The following RADIL variants were observed in gnomAD, a reference collection of about 807,000 sequenced individuals.
RADIL encodes the protein ras-associating and dilute domain-containing protein.
RADIL carries 99 observed loss-of-function variants against 97.6 expected under a neutral mutation model. The ratio of observed to expected loss-of-function variants is 1.01; its 90% CI spans 0.86 to 1.20. The LOEUF (loss-of-function observed/expected upper bound fraction) is 1.20. Among genes scored for constraint, RADIL ranks in the 50% most tolerant of loss-of-function variants. The pLI is 0.00. For missense variants in RADIL, 1,765 were observed against 1,498.9 expected (o/e 1.18, Z -2.93); for synonymous variants, 803 against 691.8 (o/e 1.16, Z -2.52).
rs1281575012 is a variant in RADIL, at chr7:4,842,256, T to G, written c.536-5651A>C. ...TCGTTGTTGACATCTTCTTCTACTCTCACAGCAGAGGCCGTAAGGAAAGGA... is the reference window on the plus strand; with the variant it reads ...TCGTTGTTGACATCTTCTTCTACTCGCACAGCAGAGGCCGTAAGGAAAGGA... On this transcript the variant is annotated intron_variant, in intron 2 of 14. Transcript: ENST00000399583. The surrounding 1 kb of genome is among the most constrained non-coding windows in gnomAD (Gnocchi z 4.5). Among the ~76,000 whole-genome samples the G allele has an allele frequency of 6.6e-6, 1 of 152,036 alleles. No individual in the cohort carries two copies.
At position 4,799,275 on chromosome 7, in the gene RADIL, AC is replaced by A; in HGVS notation, c.*102del. 1.8e-6 allele frequency: 2 copies of A among 1,119,486 alleles called. No individual in the cohort carries two copies. The highest frequency in any genetic ancestry group is 2.6e-6 in the Non-Finnish European group (2 of 759,726). The allele number at this position is 1,119,486 out of a possible 1,614,324, so 69.3% of individuals were successfully genotyped here. ...CCCAGGGTGAGGCTCCCCACCCGGG[AC>A]CCAACTTGGTCAGTTACAAAACAGG... is the stretch of plus-strand genomic sequence containing the variant. On this transcript the variant is annotated 3_prime_UTR_variant, in exon 15 of 15. Transcript: ENST00000399583.
At position 4,849,331 on chromosome 7, in the gene RADIL, A is replaced by C. The variant is rs192514292; in HGVS notation, c.536-12726T>G. 1.9e-3 allele frequency among the ~76,000 whole-genome samples: 296 copies of C among 152,268 alleles called. 2 individuals are homozygous for C. The highest frequency in any genetic ancestry group is 6.7e-3 in the African/African-American group (277 of 41,546). ...ATAACTTTGGTGAAAATAAGTAAAAATATTTAAGTGTACATAGTTTTCATT... is the reference window on the plus strand; with the variant it reads ...ATAACTTTGGTGAAAATAAGTAAAACTATTTAAGTGTACATAGTTTTCATT... On this transcript the variant is annotated intron_variant, in intron 2 of 14. Coordinates refer to ENST00000399583, the MANE Select transcript of RADIL (RefSeq NM_018059.5). This position sits in a 1 kb window ranked among gnomAD's most constrained non-coding sequence, Gnocchi z 5.4.
chr7:4,837,908 A>G lies in RADIL; in HGVS notation c.536-1303T>C, dbSNP rs1565317. On this transcript the variant is annotated intron_variant, in intron 2 of 14. Transcript: ENST00000399583. The surrounding 1 kb of genome is among the most constrained non-coding windows in gnomAD (Gnocchi z 5.6). ...TACGCAGCCTTTCAGGTTAAGATCCATCCCCATCTGTGGCGGCCTTTCCTC... is the reference window on the plus strand; with the variant it reads ...TACGCAGCCTTTCAGGTTAAGATCCGTCCCCATCTGTGGCGGCCTTTCCTC... The G allele has an allele frequency of 0.53, 518,516 of 985,148 alleles. 140,819 individuals carry two copies. Among genetic ancestry groups the G allele is most frequent in the African/African-American group, 0.87 (49,736 of 57,282 alleles). 61.0% of individuals were successfully genotyped at this position (985,148 alleles called of 1,614,324 possible). A position where few individuals can be genotyped will look rare whatever the true frequency, so the allele number is the denominator to read the frequency against.
chr7:4,868,211 C>T (rs889182644), intron 2 of RADIL, among the ~76,000 whole-genome samples: 19 of 152,158 alleles, frequency 1.2e-4, no homozygotes, highest in South Asian at 2.1e-4. Flanking sequence ...TACAGGCGCC[C>T]GCCACCACAC....
At chr7:4,827,735 G>A (rs765482658) in intron 5 of RADIL, among the ~76,000 whole-genome samples, 4 of 152,126 alleles carry the variant, frequency 2.6e-5, no homozygotes, top group Non-Finnish European at 4.4e-5. Flanking sequence ...CGGCCAACAC[G>A]GGTCTCCCTC....
chr7:4,800,382 C>A (rs1432125308), intron 12 of RADIL, 72 bp from the exon 13 acceptor site: 10 of 1,379,918 alleles, frequency 7.2e-6, no homozygotes, highest in Middle Eastern at 2.0e-4. Context: ...GATGTCCTGG[C>A]CTGGCTGCCT....
chr7:4,871,764 C>CA (rs1434738962), intron 2 of RADIL, among the ~76,000 whole-genome samples: 4 of 152,208 alleles, frequency 2.6e-5, no homozygotes, highest in Non-Finnish European at 5.9e-5. Flanking sequence ...CTCCTCTCCT[C>CA]AGGGCACCAA....
chr7:4,848,458 G>A (rs888631119), intron 2 of RADIL, among the ~76,000 whole-genome samples: 8 of 151,930 alleles, frequency 5.3e-5, no homozygotes, highest in Admixed American at 1.3e-4. Flanking sequence ...ATAAGATATC[G>A]AATATATCTG....
rs749494229 is a variant in RADIL, at chr7:4,801,885, G to C, written c.2610C>G (p.Pro870=). 2.5e-6 allele frequency: 4 copies of C among 1,589,514 alleles called. No homozygotes were observed. Among genetic ancestry groups the C allele is most frequent in the African/African-American group, 2.7e-5 (2 of 74,530 alleles). ...AREVAPERTL[P]LRGAPWAQAP... is the part of the protein sequence containing the mutation. The stretch of plus-strand genomic sequence containing the variant: ...CCTGTGCCCAGGGAGCCCCCCTCAA[G>C]GGAAGAGTACGCTCCGGGGCCACTT... The change falls in exon 12 of 15, where the codon CCC becomes CCG. Residue 870 remains proline, a synonymous_variant. Transcript: ENST00000399583.
chr7:4,866,999 G>T (rs111778496), intron 2 of RADIL, among the ~76,000 whole-genome samples: 1,666 of 152,282 alleles, frequency 0.011, 32 homozygotes, highest in African/African-American at 0.038. Flanking sequence ...GCACCTGTCT[G>T]CTTCCCCTTT....
intron 2 of RADIL, among the ~76,000 whole-genome samples, chr7:4,871,314 T>C (rs1394284813): frequency 6.6e-6 from 1 of 152,174 alleles, no homozygotes; most frequent in African/African-American, 2.4e-5. Flanking sequence ...ATATTTCAAA[T>C]GAAAACAACC....
chr7:4,878,732 T>C lies in RADIL; in HGVS notation c.-64-529A>G, dbSNP rs1256711903. On this transcript the variant is annotated intron_variant, in intron 1 of 14. Coordinates refer to ENST00000399583, the MANE Select transcript of RADIL (RefSeq NM_018059.5). This position sits in a 1 kb window ranked among gnomAD's most constrained non-coding sequence, Gnocchi z 4.1. ...GTCGCCTAAGTAAGACACGCTCCGC[T>C]GCAGGGCTTGGATTTCTGGAAAGTG... 6.6e-6 allele frequency among the ~76,000 whole-genome samples: 1 copy of C among 152,250 alleles called. No individual in the cohort carries two copies. Among genetic ancestry groups the C allele is most frequent in the African/African-American group, 2.4e-5 (1 of 41,478 alleles).
intron 2 of RADIL, among the ~76,000 whole-genome samples, chr7:4,844,852 C>A (rs1285536596): frequency 6.6e-6 from 1 of 152,094 alleles, no homozygotes; most frequent in Non-Finnish European, 1.5e-5. Flanking sequence ...AATCCTCCCG[C>A]CTCAGTCTCC....
At chr7:4,802,646 C>A (rs1349458799) in intron 11 of RADIL, among the ~76,000 whole-genome samples, 1 of 129,904 alleles carries the variant, frequency 7.7e-6, no homozygotes, top group African/African-American at 2.9e-5. Context: ...CCCCGGGCAC[C>A]TCGGGGCACT....
In RADIL at chr7:4,822,627, C is replaced by A. The variant is rs982953860; in HGVS notation, c.1455-73G>T. 1 of 1,516,060 alleles carries A rather than the reference C, an allele frequency of 6.6e-7. No homozygotes were observed. The highest frequency in any genetic ancestry group is 8.9e-7 in the Non-Finnish European group (1 of 1,121,006). The allele number at this position is 1,516,060 out of a possible 1,614,324, so 93.9% of individuals were successfully genotyped here. The stretch of plus-strand genomic sequence containing the variant: ...GAGGCTGAATCTACCACTCTTTCTA[C>A]ATAAGGATGCGCGTTTTCATGGGAC... On this transcript the variant is annotated intron_variant, in intron 5 of 14. Transcript: ENST00000399583. The surrounding 1 kb of genome is among the most constrained non-coding windows in gnomAD (Gnocchi z 5.3).
At chr7:4,861,783 C>A in intron 2 of RADIL, 1 of 1,472,628 alleles carries the variant, frequency 6.8e-7, no homozygotes, top group Non-Finnish European at 9.0e-7. Flanking sequence ...TGCGGTGGTC[C>A]CTGGGTTGTC....
chr7:4,883,154 G>A lies in RADIL; in HGVS notation c.-65+442C>T, dbSNP rs1784519630. Reference sequence around the variant, plus strand: ...CTCGCCGGCCCAGGTGGGAGAGCGCGCGGAACCCTGCGCCCCGCTCCCCCG... The same window carrying A: ...CTCGCCGGCCCAGGTGGGAGAGCGCACGGAACCCTGCGCCCCGCTCCCCCG... On this transcript the variant is annotated intron_variant, in intron 1 of 14. Transcript: ENST00000399583. This position sits in a 1 kb window ranked among gnomAD's most constrained non-coding sequence, Gnocchi z 7.1. 6.9e-6 allele frequency among the ~76,000 whole-genome samples: 1 copy of A among 145,264 alleles called. No homozygotes were observed. Among genetic ancestry groups the A allele is most frequent in the South Asian group, 2.1e-4 (1 of 4,832 alleles).
rs1439462107 is a variant in RADIL, at chr7:4,859,887, T to C, written c.535+17718A>G. On this transcript the variant is annotated intron_variant, in intron 2 of 14. Transcript: ENST00000399583. ...TTCTTTATGAGGCAAGAATATCCTC[T>C]AGACTCCAACTATAGGATTAGATAT... The C allele has an allele frequency of 1.9e-6, 3 of 1,567,370 alleles. No individual in the cohort carries two copies. The East Asian group carries it at 6.7e-5, about 35-fold the overall frequency.
At chr7:4,806,044 T>G (rs1360667402) in intron 9 of RADIL, 1 of 985,318 alleles carries the variant, frequency 1.0e-6, no homozygotes, top group Non-Finnish European at 1.2e-6. Context: ...TGAAATCAGA[T>G]TCCTGCCTCC....
Sources: gnomAD v4.1 joint callset for allele counts (sites outside exome capture counted in the v4.1 genomes callset) on GRCh38, gnomAD v4.1.1 for gene constraint, Gnocchi (gnomAD v3.1) non-coding constraint, MANE v1.5 for transcripts, NCBI Gene and HGNC (gene_info 2026-07-23, HGNC 2026-07-21) for gene names.